Variants in SYK observed in about 807,000 individuals in gnomAD.
The protein encoded by SYK is tyrosine-protein kinase SYK.
Under a neutral mutation model 77.8 loss-of-function variants are expected in SYK, and 16 were observed. The observed-to-expected ratio is 0.21, with a 90% CI of 0.14 to 0.31. SYK has a LOEUF of 0.31. Ranked by LOEUF, SYK falls within the 10% of genes least tolerant of loss-of-function variation. The probability of loss-of-function intolerance (pLI) is 1.00; values close to 1 mark genes in which losing one functional copy is unlikely to be tolerated. For synonymous variants in SYK, 312 were observed against 308.7 expected, an observed-to-expected ratio of 1.01 and a Z score of -0.11; for missense variants, 529 against 814.4, an observed-to-expected ratio of 0.65 and a Z score of 4.26.
intron 3 of SYK, among the ~76,000 whole-genome samples, chr9:90,858,003 G>C (rs1352088302): frequency 6.6e-6 from 1 of 152,198 alleles, no homozygotes; most frequent in Non-Finnish European, 1.5e-5. Flanking sequence ...CGGCTTTTCT[G>C]TTCCGTCTAC....
At chr9:90,888,270 T>C (rs1828653115) in intron 12 of SYK, among the ~76,000 whole-genome samples, 2 of 152,120 alleles carry the variant, frequency 1.3e-5, no homozygotes, top group Middle Eastern at 3.2e-3. Flanking sequence ...AAATGAAACA[T>C]ACCCATGAAA....
At chr9:90,834,708 C>T (rs1029374697) in intron 1 of SYK, among the ~76,000 whole-genome samples, 1 of 152,206 alleles carries the variant, frequency 6.6e-6, no homozygotes, top group African/African-American at 2.4e-5. Context: ...TGTGGCCCAA[C>T]TAAAATTTGT....
intron 1 of SYK, among the ~76,000 whole-genome samples, chr9:90,814,258 T>A (rs1825208071): frequency 6.6e-6 from 1 of 152,202 alleles, no homozygotes; most frequent in African/African-American, 2.4e-5. Context: ...ACTCTGGTCC[T>A]GGCGGTGTGT....
chr9:90,845,757 A>G (rs146672139), intron 3 of SYK, among the ~76,000 whole-genome samples, 163 bp downstream of exon 3: 273 of 152,296 alleles, frequency 1.8e-3, no homozygotes, highest in African/African-American at 6.2e-3. Flanking sequence ...ATTTCTAACC[A>G]AAGCTATCAC....
rs1308739520 is a variant in SYK, at chr9:90,841,649, T to C, written c.-41-2209T>C. ...TAGTGTGTATGTAGTGTAGCATGTGTTTAGTATGGTGTGTGGTGTGTATGT... is the reference window on the plus strand; with the variant it reads ...TAGTGTGTATGTAGTGTAGCATGTGCTTAGTATGGTGTGTGGTGTGTATGT... On this transcript the variant is annotated intron_variant, in intron 1 of 13. Coordinates refer to ENST00000375754, the MANE Select transcript of SYK (RefSeq NM_003177.7). 2.7e-5 allele frequency among the ~76,000 whole-genome samples: 4 copies of C among 150,572 alleles called. No individual in the cohort carries two copies. In the East Asian group the frequency reaches 7.8e-4, roughly 29 times the overall value.
At position 90,843,926 on chromosome 9, in the gene SYK, G is replaced by A. The variant is rs199606629; in HGVS notation, c.28G>A (p.Ala10Thr). 27 of 1,555,990 alleles carry A rather than the reference G, an allele frequency of 1.7e-5. No homozygotes were observed. Among genetic ancestry groups the A allele is most frequent in the Non-Finnish European group, 2.2e-5 (25 of 1,149,464 alleles). Residue 10 changes from alanine to threonine, a missense_variant, in exon 2 of 14, where the codon GCC becomes ACC. This residue lies in a region of SYK where 321 missense variants were observed against 433.1 expected (regional missense o/e 0.74). Transcript: ENST00000375754. MASSGMADS[A>T]NHLPFFFGNI... The stretch of plus-strand genomic sequence containing the variant: ...GGCCAGCAGCGGCATGGCTGACAGC[G>A]CCAACCACCTGCCCTTCTTTTTCGG...
intron 13 of SYK, among the ~76,000 whole-genome samples, chr9:90,891,142 C>CA (rs1828771054): frequency 8.4e-6 from 1 of 119,070 alleles, no homozygotes; most frequent in Non-Finnish European, 1.7e-5. Context: ...ATGTTGCCTG[C>CA]TTTTTTTTTT....
chr9:90,865,120 C>T (rs2118804742), intron 6 of SYK, 23 bp downstream of exon 6: 6 of 1,609,084 alleles, frequency 3.7e-6, no homozygotes, highest in Non-Finnish European at 5.1e-6. Context: ...AGGAATACCA[C>T]TGAATGAGAA....
At chr9:90,844,429 A>G (rs1826501019) in intron 2 of SYK, 114 bp downstream of exon 2, 26 of 1,226,260 alleles carry the variant, frequency 2.1e-5, no homozygotes, top group Non-Finnish European at 2.3e-5. Flanking sequence ...AAATAACACA[A>G]CCATCTCCTT....
At chr9:90,868,844 G>A (rs760038473) in intron 7 of SYK, among the ~76,000 whole-genome samples, 2 of 152,170 alleles carry the variant, frequency 1.3e-5, no homozygotes, top group Non-Finnish European at 2.9e-5. Flanking sequence ...TCATGTACAT[G>A]TGAAGGTGTT....
chr9:90,833,066 A>G (rs1043699966), intron 1 of SYK, among the ~76,000 whole-genome samples: 1 of 152,214 alleles, frequency 6.6e-6, no homozygotes, highest in Non-Finnish European at 1.5e-5. Flanking sequence ...CATCTTTCCA[A>G]TGAGGCATCT....
At chr9:90,803,962 T>C (rs79981965) in intron 1 of SYK, among the ~76,000 whole-genome samples, 1,563 of 152,030 alleles carry the variant, frequency 0.01, 24 homozygotes, top group African/African-American at 0.028. Flanking sequence ...TATAAAGAGC[T>C]GTGTGTCTGT....
Position 90,843,890 on chromosome 9 carries a change from C to G in SYK, c.-9C>G. The G allele has an allele frequency of 2.0e-6, 3 of 1,516,372 alleles. No homozygotes were observed. The African/African-American group carries it at 4.1e-5, about 21-fold the overall frequency. The allele number at this position is 1,516,372 out of a possible 1,614,324, so 93.9% of individuals were successfully genotyped here. On this transcript the variant is annotated 5_prime_UTR_variant, in exon 2 of 14. Coordinates refer to ENST00000375754, the MANE Select transcript of SYK (RefSeq NM_003177.7). ...CCTGCGCAGGTGTGTGCCCTCCGGC[C>G]CCTGAAGCATGGCCAGCAGCGGCAT...
At chr9:90,877,306 G>A (rs1368107331) in intron 9 of SYK, among the ~76,000 whole-genome samples, 3 of 152,148 alleles carry the variant, frequency 2.0e-5, no homozygotes, top group African/African-American at 7.2e-5. Flanking sequence ...ACCTCCCAAA[G>A]TATGGGGATT....
chr9:90,867,262 C>T lies in SYK; in HGVS notation c.915+63C>T, dbSNP rs375450059. The T allele has an allele frequency of 1.2e-3, 1,807 of 1,538,400 alleles. 27 individuals are homozygous for T. The South Asian group carries it at 0.018, about 16-fold the overall frequency. On this transcript the variant is annotated intron_variant, in intron 7 of 13. Coordinates refer to ENST00000375754, the MANE Select transcript of SYK (RefSeq NM_003177.7). ...GTAGGACCAACGCGCACTCAGCTCCCGCCCGCCCAGTCTGCCCTGTGTGTG... is the reference window on the plus strand; with the variant it reads ...GTAGGACCAACGCGCACTCAGCTCCTGCCCGCCCAGTCTGCCCTGTGTGTG...
In SYK at chr9:90,874,663, G is replaced by A. The variant is rs1827860069; in HGVS notation, c.1004-9G>A. On this transcript the variant is annotated splice_polypyrimidine_tract_variant and intron_variant, in intron 8 of 13. Coordinates refer to ENST00000375754, the MANE Select transcript of SYK (RefSeq NM_003177.7). ...GCCCCAGGTCGTATGTTTCTTGACTGCATTGCAGGCCCCCAGAGAGAAGCC... is the reference window on the plus strand; with the variant it reads ...GCCCCAGGTCGTATGTTTCTTGACTACATTGCAGGCCCCCAGAGAGAAGCC... The A allele has an allele frequency of 2.5e-6, 4 of 1,609,070 alleles. No individual in the cohort carries two copies. The highest frequency in any genetic ancestry group is 3.4e-6 in the Non-Finnish European group (4 of 1,177,128).
chr9:90,861,522 AG>A (rs1280399196), intron 3 of SYK, among the ~76,000 whole-genome samples: 1 of 35,968 alleles, frequency 2.8e-5, no homozygotes, highest in African/African-American at 2.3e-4. Context: ...GGAGCTTGGA[AG>A]TCCAGCCCTG....
At chr9:90,893,787 G>C (rs747798955) in intron 13 of SYK, among the ~76,000 whole-genome samples, 1 of 152,198 alleles carries the variant, frequency 6.6e-6, no homozygotes, top group Non-Finnish European at 1.5e-5. Flanking sequence ...GCTGAGACCT[G>C]CAGGCTAAGA....
intron 9 of SYK, among the ~76,000 whole-genome samples, 185 bp from the exon 10 acceptor site, chr9:90,877,386 A>G (rs971383380): frequency 6.6e-6 from 1 of 152,240 alleles, no homozygotes; most frequent in African/African-American, 2.4e-5. Flanking sequence ...CTCATTGTCT[A>G]TAAAATAAGG....
Sources: allele counts gnomAD v4.1 joint callset (sites outside exome capture counted in the v4.1 genomes callset), GRCh38; gene constraint gnomAD v4.1.1; regional missense constraint gnomAD v4.1.1; transcripts MANE v1.5; gene names NCBI Gene and HGNC (gene_info 2026-07-23, HGNC 2026-07-21).